The following ABCB7 variants were observed in gnomAD, a reference collection of about 807,000 sequenced individuals.
ABCB7 encodes iron-sulfur clusters transporter ABCB7, mitochondrial.
In ABCB7, 7 loss-of-function variants were observed where a neutral mutation model predicts 54.4. The observed-to-expected ratio is 0.13, with a 90% confidence interval of 0.07 to 0.24. ABCB7 has a LOEUF of 0.24. ABCB7 is among the 10% of genes least tolerant of loss of function. The pLI is 1.00. For synonymous variants in ABCB7, 218 were observed against 207.1 expected (o/e 1.05, Z -0.45); for missense variants, 356 against 570.4 (o/e 0.62, Z 3.83).
chrX:75,102,422 A>G (rs1399436733), intron 3 of ABCB7, among the ~76,000 whole-genome samples: 2 of 111,256 alleles, frequency 1.8e-5, no homozygotes, highest in East Asian at 2.8e-4. Flanking sequence ...ATAACATGTG[A>G]TATTTGTCTT....
intron 10 of ABCB7, among the ~76,000 whole-genome samples, 157 bp downstream of exon 10, chrX:75,070,208 C>T (rs939639156): frequency 2.7e-5 from 3 of 111,320 alleles, no homozygotes; most frequent in Non-Finnish European, 3.8e-5. Context: ...GCTCTAACAA[C>T]CTCTTAATAC....
At chrX:75,149,039 C>T (rs1374807448) in intron 1 of ABCB7, among the ~76,000 whole-genome samples, 1 of 111,231 alleles carries the variant, frequency 9.0e-6, no homozygotes, top group African/African-American at 3.3e-5. Flanking sequence ...AAACCAAAAT[C>T]GAAGCTTCAC....
rs1371448177 is a variant in ABCB7 at position 75,156,231 on chromosome X, C to T, written c.42G>A (p.Ala14=). The change falls in exon 1 of 16, where the codon GCG becomes GCA. Residue 14 remains alanine (A), a synonymous_variant. Coordinates refer to ENST00000373394, the MANE Select transcript of ABCB7 (RefSeq NM_001271696.3). The stretch of plus-strand genomic sequence containing the variant: ...GCCGGCGCTTTTCGAAAGCAGCCGC[C>T]GCGGCCGCCCAGCGCCAAGAATGCA... ...LAMHSWRWAA[A]AAAFEKRRHS... The T allele has an allele frequency of 8.3e-7, 1 of 1,205,305 alleles. No individual in the cohort carries two copies. The highest frequency in any genetic ancestry group is 1.1e-6 in the Non-Finnish European group (1 of 892,543).
At chrX:75,071,428 A>G in intron 9 of ABCB7, 81 bp downstream of exon 9, 2 of 1,062,246 alleles carry the variant, frequency 1.9e-6, no homozygotes, top group Non-Finnish European at 2.6e-6. Context: ...TATAATTAAG[A>G]TAAGCATGCA....
At chrX:75,114,894 T>C in intron 1 of ABCB7, 63 bp from the exon 2 acceptor site, 1 of 913,513 alleles carries the variant, frequency 1.1e-6, no homozygotes, top group South Asian at 2.0e-5. Context: ...TCAAAGATTA[T>C]TTCCTTTGTT....
intron 1 of ABCB7, among the ~76,000 whole-genome samples, chrX:75,144,852 A>C (rs1407023493): frequency 1.8e-5 from 2 of 111,317 alleles, no homozygotes. Context: ...CCAATTCCGC[A>C]ATGAAGTAAC....
chrX:75,135,038 G>A lies in ABCB7; in HGVS notation c.169-20207C>T, dbSNP rs781572691. Among the ~76,000 whole-genome samples the A allele has an allele frequency of 5.4e-5, 6 of 110,109 alleles. No individual in the cohort carries two copies. In the South Asian group the frequency reaches 2.3e-3, roughly 43 times the overall value. Reference sequence around the variant, plus strand: ...CAAAGATCAACAAAAACAAAAGATGGTTCTTCAAAAGAATAAATAAGATTG... The same window carrying A: ...CAAAGATCAACAAAAACAAAAGATGATTCTTCAAAAGAATAAATAAGATTG... On this transcript the variant is annotated intron_variant, in intron 1 of 15. Transcript: ENST00000373394.
At chrX:75,104,037 T>A (rs1340506237) in intron 3 of ABCB7, among the ~76,000 whole-genome samples, 7 of 97,170 alleles carry the variant, frequency 7.2e-5, no homozygotes, top group African/African-American at 2.2e-4. Flanking sequence ...GGCATCCCTG[T>A]CTTGTTACAG....
intron 3 of ABCB7, among the ~76,000 whole-genome samples, chrX:75,111,888 T>C (rs188758235): frequency 1.2e-3 from 135 of 112,030 alleles, no homozygotes; most frequent in Non-Finnish European, 2.2e-3. Flanking sequence ...TGACAGATGA[T>C]CCTGAAAACT....
chrX:75,140,161 G>A (rs933828496), intron 1 of ABCB7, among the ~76,000 whole-genome samples: 3 of 111,944 alleles, frequency 2.7e-5, no homozygotes, highest in African/African-American at 9.8e-5. Context: ...AGCTCCTCTG[G>A]AAGAATAAAC....
chrX:75,150,960 C>G (rs374746285), intron 1 of ABCB7, among the ~76,000 whole-genome samples: 1 of 110,960 alleles, frequency 9.0e-6, no homozygotes, highest in Non-Finnish European at 1.9e-5. Flanking sequence ...CTCAGGAACA[C>G]CATTAGAAAC....
chrX:75,070,010 G>T (rs369269546), intron 10 of ABCB7, among the ~76,000 whole-genome samples: 13 of 110,695 alleles, frequency 1.2e-4, no homozygotes, highest in African/African-American at 3.3e-4. Flanking sequence ...GAGTAGCTGG[G>T]ATTACAGGCA....
At chrX:75,065,841 A>G (rs1399697987) in intron 12 of ABCB7, among the ~76,000 whole-genome samples, 1 of 111,504 alleles carries the variant, frequency 9.0e-6, no homozygotes, top group African/African-American at 3.3e-5. Flanking sequence ...TGGCCCTACC[A>G]GCAACCAATA....
Position 75,071,609 on chromosome X carries a change from T to G in ABCB7, c.1107A>C (p.Lys369Asn). ...TCAGCATAGCCAGAGTAGAGGTACT[T>G]TTCAATGAAGCAGTCTCATACGTCT... is the stretch of plus-strand genomic sequence containing the variant. ...FLKTYETASL[K>N]STSTLAMLNF... The change falls in exon 9 of 16, where the codon AAA (lysine) becomes AAC (asparagine). Residue 369 changes from lysine to asparagine, a missense_variant. By Grantham distance (94) the Lys-to-Asn change is moderately conservative. Around this residue, in one of 2 missense-constraint regions of ABCB7, gnomAD observed 241 missense variants for 470.9 expected, o/e 0.51. Transcript: ENST00000373394. 1.7e-6 allele frequency: 2 copies of G among 1,207,393 alleles called. No individual in the cohort carries two copies. The highest frequency in any genetic ancestry group is 1.8e-5 in the African/African-American group (1 of 57,065).
intron 4 of ABCB7, among the ~76,000 whole-genome samples, chrX:75,077,179 C>T (rs1484213187): frequency 8.9e-6 from 1 of 111,830 alleles, no homozygotes; most frequent in Non-Finnish European, 1.9e-5. Context: ...CAAGCCAGAT[C>T]ACAAAAGCAG....
intron 4 of ABCB7, among the ~76,000 whole-genome samples, chrX:75,078,725 G>A (rs553859338): frequency 8.9e-6 from 1 of 111,973 alleles, no homozygotes; most frequent in Admixed American, 9.4e-5. Flanking sequence ...TTAAAATACA[G>A]GTCTGACACT....
chrX:75,139,919 A>C (rs1337513958), intron 1 of ABCB7, among the ~76,000 whole-genome samples: 1 of 112,031 alleles, frequency 8.9e-6, no homozygotes, highest in Non-Finnish European at 1.9e-5. Context: ...AGACTGTCAC[A>C]ATATCAACTG....
chrX:75,082,336 G>C (rs1383615265), intron 4 of ABCB7, among the ~76,000 whole-genome samples: 1 of 111,639 alleles, frequency 9.0e-6, no homozygotes, highest in African/African-American at 3.3e-5. Flanking sequence ...ACCGTACACT[G>C]GGCAAAATTA....
At chrX:75,100,856 G>A (rs2081633469) in intron 3 of ABCB7, among the ~76,000 whole-genome samples, 1 of 111,486 alleles carries the variant, frequency 9.0e-6, no homozygotes, top group Admixed American at 9.5e-5. Flanking sequence ...ATAAAGGAAT[G>A]GAAATTTAGC....
Sources: allele counts gnomAD v4.1 joint callset (sites outside exome capture counted in the v4.1 genomes callset), GRCh38; gene constraint gnomAD v4.1.1; regional missense constraint gnomAD v4.1.1; transcripts MANE v1.5; gene names NCBI Gene and HGNC (gene_info 2026-07-23, HGNC 2026-07-21).